Variants in MACROD2 observed in about 807,000 individuals in gnomAD.
MACROD2 encodes the protein mono-ADP ribosylhydrolase 2.
MACROD2 carries 36 observed loss-of-function variants against 70.4 expected under a neutral mutation model. That is an observed-to-expected ratio of 0.51 (90% CI 0.39 to 0.68). The LOEUF is 0.68. MACROD2 is among the 30% of genes least tolerant of loss of function. The pLI is 0.00. For synonymous variants in MACROD2, 172 were observed against 178.8 expected (o/e 0.96, Z 0.30); for missense variants, 496 against 538.4 (o/e 0.92, Z 0.78).
At chr20:14,969,161 TTA>T (rs150798380) in intron 5 of MACROD2, among the ~76,000 whole-genome samples, 57 of 147,476 alleles carry the variant, frequency 3.9e-4, no homozygotes, top group East Asian at 7.9e-4. Flanking sequence ...TATCTCCAGT[TTA>T]TATATATATA....
At chr20:14,162,350 T>C (rs2055202256) in intron 3 of MACROD2, among the ~76,000 whole-genome samples, 1 of 152,214 alleles carries the variant, frequency 6.6e-6, no homozygotes, top group Admixed American at 6.5e-5. Context: ...TCTGTAACTG[T>C]TGGATGAAAT....
intron 3 of MACROD2, among the ~76,000 whole-genome samples, chr20:14,445,318 T>C (rs2084171566): frequency 6.6e-6 from 1 of 152,136 alleles, no homozygotes; most frequent in South Asian, 2.1e-4. Flanking sequence ...ACTCATTAAA[T>C]ATTTCTTGAA....
At chr20:14,352,879 T>C (rs1239945073) in intron 3 of MACROD2, among the ~76,000 whole-genome samples, 1 of 152,106 alleles carries the variant, frequency 6.6e-6, no homozygotes, top group Non-Finnish European at 1.5e-5. Flanking sequence ...ATATTTTTGC[T>C]TTAGCTTCTT....
chr20:15,288,859 G>GTCTC lies in MACROD2; in HGVS notation c.540+58801_540+58802insCTCT, dbSNP rs1337471971. 2.3e-5 allele frequency among the ~76,000 whole-genome samples: 3 copies of GTCTC among 129,878 alleles called. No individual in the cohort carries two copies. In the East Asian group the frequency reaches 6.5e-4, roughly 28 times the overall value. The allele number at this position is 129,878 out of a possible 152,430, so 85.2% of individuals were successfully genotyped here. A position where few individuals can be genotyped will look rare whatever the true frequency, so the allele number is the denominator to read the frequency against. ...CTCCTCTCTGTCTCTCTATATGTCT[G>GTCTC]TCTGTCTGTCTATCTATCTATCTAT... On this transcript the variant is annotated intron_variant, in intron 6 of 17. Transcript: ENST00000684519.
intron 5 of MACROD2, among the ~76,000 whole-genome samples, chr20:14,986,074 G>A (rs984277522): frequency 6.6e-6 from 1 of 152,198 alleles, no homozygotes; most frequent in African/African-American, 2.4e-5. Context: ...TTGTTCCTCA[G>A]TGGACACAGA....
intron 5 of MACROD2, among the ~76,000 whole-genome samples, chr20:14,913,279 G>C (rs2074051112): frequency 6.6e-6 from 1 of 152,010 alleles, no homozygotes; most frequent in South Asian, 2.1e-4. Context: ...TGAGAAATAG[G>C]CTTTTAGTTA....
In MACROD2 at chr20:15,193,076, G is replaced by A. The variant is rs142576881; in HGVS notation, c.419-36864G>A. Reference sequence around the variant, plus strand: ...AGTTTTCGGTTGTGCATGAGAATACGTCCACTGGTCATCAGCAGGCTCTAG... The same window carrying A: ...AGTTTTCGGTTGTGCATGAGAATACATCCACTGGTCATCAGCAGGCTCTAG... On this transcript the variant is annotated intron_variant, in intron 5 of 17. Coordinates refer to ENST00000684519, the MANE Select transcript of MACROD2 (RefSeq NM_001351661.2). 5.1e-3 allele frequency among the ~76,000 whole-genome samples: 769 copies of A among 152,266 alleles called. 3 individuals carry two copies. Among genetic ancestry groups the A allele is most frequent in the Non-Finnish European group, 7.5e-3 (511 of 68,022 alleles).
chr20:14,058,449 A>T (rs986660261), intron 2 of MACROD2, among the ~76,000 whole-genome samples: 1 of 151,806 alleles, frequency 6.6e-6, no homozygotes, highest in African/African-American at 2.4e-5. Context: ...TACAAAAAAA[A>T]AAATGAAACT....
At chr20:14,168,757 C>T (rs2081193153) in intron 3 of MACROD2, among the ~76,000 whole-genome samples, 1 of 152,140 alleles carries the variant, frequency 6.6e-6, no homozygotes, top group South Asian at 2.1e-4. Flanking sequence ...GGATTCACAG[C>T]TGAATTCTAT....
At chr20:15,270,351 A>C (rs1468767279) in intron 6 of MACROD2, among the ~76,000 whole-genome samples, 1 of 152,164 alleles carries the variant, frequency 6.6e-6, no homozygotes, top group Admixed American at 6.5e-5. Flanking sequence ...TATTATGCAG[A>C]ATGAAAGAAG....
chr20:15,671,131 A>T (rs553364377), intron 8 of MACROD2, among the ~76,000 whole-genome samples: 1 of 152,300 alleles, frequency 6.6e-6, no homozygotes, highest in East Asian at 1.9e-4. Flanking sequence ...TGGGTAATCC[A>T]GGATAGCATC....
chr20:14,801,368 G>A (rs2072573360), intron 5 of MACROD2, among the ~76,000 whole-genome samples: 1 of 152,106 alleles, frequency 6.6e-6, no homozygotes, highest in African/African-American at 2.4e-5. Context: ...TGTCCACTTA[G>A]CATCTCATGT....
intron 3 of MACROD2, among the ~76,000 whole-genome samples, chr20:14,155,897 C>T (rs1033414410): frequency 3.9e-5 from 6 of 152,174 alleles, no homozygotes; most frequent in Non-Finnish European, 8.8e-5. Flanking sequence ...TGCAGTGGCT[C>T]ATGCCTGTAA....
intron 8 of MACROD2, among the ~76,000 whole-genome samples, chr20:15,633,021 A>G (rs1344715125): frequency 2.6e-5 from 4 of 151,648 alleles, no homozygotes; most frequent in Non-Finnish European, 4.4e-5. Flanking sequence ...CTACAGAGGC[A>G]CCTACAACTT....
chr20:14,479,970 G>C (rs1334073054), intron 3 of MACROD2, among the ~76,000 whole-genome samples: 3 of 152,026 alleles, frequency 2.0e-5, no homozygotes, highest in African/African-American at 7.2e-5. Flanking sequence ...TCAAACTCCT[G>C]GGCTCAAGCA....
At chr20:15,049,964 AAAG>A (rs939543068) in intron 5 of MACROD2, among the ~76,000 whole-genome samples, 2 of 152,174 alleles carry the variant, frequency 1.3e-5, no homozygotes, top group African/African-American at 4.8e-5. Flanking sequence ...AAAAAAAAAA[AAAG>A]AATATAGCTG....
At chr20:14,595,766 G>A (rs1982088418) in intron 4 of MACROD2, among the ~76,000 whole-genome samples, 1 of 152,124 alleles carries the variant, frequency 6.6e-6, no homozygotes, top group Non-Finnish European at 1.5e-5. Flanking sequence ...CTACGTATAT[G>A]CTGACTAGCT....
At chr20:14,700,676 CAG>C (rs1360774510) in intron 5 of MACROD2, among the ~76,000 whole-genome samples, 1 of 152,108 alleles carries the variant, frequency 6.6e-6, no homozygotes, top group African/African-American at 2.4e-5. Flanking sequence ...TCCATTTAAA[CAG>C]GGGAACTAAA....
chr20:15,147,501 AT>A (rs1361547090), intron 5 of MACROD2, among the ~76,000 whole-genome samples: 63 of 146,850 alleles, frequency 4.3e-4, no homozygotes, highest in Non-Finnish European at 1.8e-4. Flanking sequence ...ATTCCAACAG[AT>A]TTTTTTTCCT....
Sources: gnomAD v4.1 joint callset for allele counts (sites outside exome capture counted in the v4.1 genomes callset) on GRCh38, gnomAD v4.1.1 for gene constraint, MANE v1.5 for transcripts, NCBI Gene and HGNC (gene_info 2026-07-23, HGNC 2026-07-21) for gene names.